The following CNTNAP2 variants were observed in gnomAD, a reference collection of about 807,000 sequenced individuals.
CNTNAP2 encodes contactin associated protein 2, also known as contactin-associated protein-like 2.
CNTNAP2 carries 98 observed loss-of-function variants against 155.2 expected under a neutral mutation model. The ratio of observed to expected loss-of-function variants is 0.63; its 90% CI spans 0.54 to 0.75. The LOEUF (loss-of-function observed/expected upper bound fraction) is 0.75. Among genes scored for constraint, CNTNAP2 ranks in the 30% least tolerant of loss-of-function variants. CNTNAP2 has a pLI of 0.00. For synonymous variants in CNTNAP2, 651 were observed against 631.2 expected (o/e 1.03, Z -0.47); for missense variants, 1,727 against 1,688.1 (o/e 1.02, Z -0.40).
chr7:147,526,910 A>C (rs1562981198), intron 11 of CNTNAP2, among the ~76,000 whole-genome samples: 1 of 151,776 alleles, frequency 6.6e-6, no homozygotes, highest in Non-Finnish European at 1.5e-5. Context: ...GCCACGGATT[A>C]AGTTTTTCTG....
At chr7:147,547,830 C>T (rs1799770565) in intron 11 of CNTNAP2, among the ~76,000 whole-genome samples, 2 of 152,112 alleles carry the variant, frequency 1.3e-5, no homozygotes, top group African/African-American at 2.4e-5. Flanking sequence ...CAATATTCAA[C>T]TCTCACTTAT....
chr7:147,239,804 T>A (rs1803898551), intron 8 of CNTNAP2, among the ~76,000 whole-genome samples: 1 of 152,206 alleles, frequency 6.6e-6, no homozygotes, highest in East Asian at 1.9e-4. Context: ...ATCATCATCC[T>A]CTTTTCAGTA....
chr7:147,452,947 G>A (rs774970514), intron 10 of CNTNAP2, among the ~76,000 whole-genome samples: 10 of 147,580 alleles, frequency 6.8e-5, no homozygotes, highest in Non-Finnish European at 1.3e-4. Flanking sequence ...GGAGGGAGAA[G>A]AAAGGGAGGG....
intron 10 of CNTNAP2, among the ~76,000 whole-genome samples, chr7:147,426,837 G>A (rs1367565236): frequency 6.6e-6 from 1 of 152,038 alleles, no homozygotes; most frequent in African/African-American, 2.4e-5. Context: ...ATGGATGGAT[G>A]GATGGATGGA....
chr7:146,404,872 C>T (rs1795768471), intron 1 of CNTNAP2, among the ~76,000 whole-genome samples: 1 of 152,152 alleles, frequency 6.6e-6, no homozygotes, highest in African/African-American at 2.4e-5. Flanking sequence ...TTCCTTTGAG[C>T]AGTCTTCCCC....
intron 17 of CNTNAP2, among the ~76,000 whole-genome samples, chr7:148,160,668 T>C (rs1000068640): frequency 6.6e-6 from 1 of 152,242 alleles, no homozygotes; most frequent in Admixed American, 6.5e-5. Context: ...TTGTGACTCC[T>C]GTACATGGAT....
intron 14 of CNTNAP2, among the ~76,000 whole-genome samples, chr7:147,928,552 T>C (rs1222684870): frequency 6.6e-6 from 1 of 152,186 alleles, no homozygotes; most frequent in African/African-American, 2.4e-5. Context: ...AGGAGACTCT[T>C]GGCTATGGGT....
chr7:147,782,519 T>C (rs960019205), intron 13 of CNTNAP2, among the ~76,000 whole-genome samples: 2 of 152,222 alleles, frequency 1.3e-5, no homozygotes, highest in Non-Finnish European at 2.9e-5. Flanking sequence ...CTCTCTACTT[T>C]ACAGATAGTT....
intron 2 of CNTNAP2, among the ~76,000 whole-genome samples, chr7:146,790,810 C>A (rs1345108757): frequency 2.0e-5 from 3 of 151,922 alleles, no homozygotes; most frequent in Non-Finnish European, 4.4e-5. Context: ...ACCTTGTGAT[C>A]CGCCCACCTC....
intron 13 of CNTNAP2, among the ~76,000 whole-genome samples, chr7:147,896,476 G>C (rs1050202003): frequency 1.3e-5 from 2 of 152,142 alleles, no homozygotes; most frequent in African/African-American, 4.8e-5. Context: ...GTCTCCCCAA[G>C]CATTTGGGGA....
intron 1 of CNTNAP2, among the ~76,000 whole-genome samples, chr7:146,472,706 C>T (rs377554431): frequency 4.0e-5 from 6 of 151,868 alleles, no homozygotes; most frequent in African/African-American, 7.2e-5. Context: ...TATTAAAATA[C>T]GTTTTACACA....
intron 1 of CNTNAP2, among the ~76,000 whole-genome samples, chr7:146,151,661 T>TATAC (rs1798045877): frequency 2.5e-5 from 1 of 40,484 alleles, no homozygotes; most frequent in Non-Finnish European, 4.7e-5. Context: ...TATATATATA[T>TATAC]ATATATATAT....
chr7:148,154,405 A>G (rs1472256098), intron 17 of CNTNAP2, among the ~76,000 whole-genome samples: 2 of 152,232 alleles, frequency 1.3e-5, no homozygotes, highest in Non-Finnish European at 2.9e-5. Flanking sequence ...CTCTGAGTCC[A>G]ACCTCCCCAA....
At chr7:147,342,104 G>T (rs951096943) in intron 9 of CNTNAP2, among the ~76,000 whole-genome samples, 1 of 152,024 alleles carries the variant, frequency 6.6e-6, no homozygotes, top group Non-Finnish European at 1.5e-5. Context: ...AAGCTTGCTG[G>T]CATCTCTTCT....
intron 13 of CNTNAP2, among the ~76,000 whole-genome samples, chr7:147,718,241 G>C (rs1345772059): frequency 6.6e-6 from 1 of 151,922 alleles, no homozygotes; most frequent in African/African-American, 2.4e-5. Flanking sequence ...GTATAGGTAG[G>C]GTAAAAAGCT....
At chr7:147,776,270 T>TG (rs1055253572) in intron 13 of CNTNAP2, among the ~76,000 whole-genome samples, 11 of 151,594 alleles carry the variant, frequency 7.3e-5, no homozygotes, top group African/African-American at 2.4e-4. Flanking sequence ...GCTGGGTTTT[T>TG]TTTTTTTTTT....
chr7:146,282,574 G>A (rs1430309750), intron 1 of CNTNAP2, among the ~76,000 whole-genome samples: 4 of 152,184 alleles, frequency 2.6e-5, no homozygotes, highest in Non-Finnish European at 5.9e-5. Context: ...TAAAAACTGA[G>A]ATTATGTCCT....
chr7:147,756,313 G>A (rs746884390), intron 13 of CNTNAP2, among the ~76,000 whole-genome samples: 4 of 151,768 alleles, frequency 2.6e-5, no homozygotes, highest in Non-Finnish European at 2.9e-5. Flanking sequence ...TTTCCCCACT[G>A]ATAAAGGAAT....
chr7:147,347,611 A>G (rs997601921), intron 9 of CNTNAP2, among the ~76,000 whole-genome samples: 4 of 151,692 alleles, frequency 2.6e-5, no homozygotes, highest in Non-Finnish European at 5.9e-5. Context: ...TACTACCAGA[A>G]GCAACCTACA....
Sources: allele counts gnomAD v4.1 joint callset (sites outside exome capture counted in the v4.1 genomes callset), GRCh38; gene constraint gnomAD v4.1.1; transcripts MANE v1.5; gene names NCBI Gene and HGNC (gene_info 2026-07-23, HGNC 2026-07-21).